Variants in KIF6 observed in about 807,000 individuals in gnomAD.
The protein encoded by KIF6 is kinesin family member 6.
In KIF6, 106 loss-of-function variants were observed where a neutral mutation model predicts 112.7. The ratio of observed to expected loss-of-function variants is 0.94; its 90% CI spans 0.80 to 1.11. KIF6 has a LOEUF of 1.11. Among genes scored for constraint, KIF6 ranks in the 50% least tolerant of loss-of-function variants. The pLI is 0.00. For missense variants in KIF6, 929 were observed against 964.0 expected (o/e 0.96, Z 0.48); for synonymous variants, 339 against 339.9 (o/e 1.00, Z 0.03).
chr6:39,512,288 T>C (rs1170911608), intron 13 of KIF6, among the ~76,000 whole-genome samples: 1 of 152,224 alleles, frequency 6.6e-6, no homozygotes, highest in Non-Finnish European at 1.5e-5. Flanking sequence ...TTATCTAATA[T>C]AAGAATTTGT....
intron 19 of KIF6, among the ~76,000 whole-genome samples, chr6:39,351,529 C>T (rs1764247612): frequency 6.6e-6 from 1 of 152,114 alleles, no homozygotes; most frequent in Non-Finnish European, 1.5e-5. Flanking sequence ...ACTGGGATTA[C>T]AGGCATGAAC....
At chr6:39,591,860 C>T (rs1482835095) in intron 7 of KIF6, among the ~76,000 whole-genome samples, 1 of 152,182 alleles carries the variant, frequency 6.6e-6, no homozygotes, top group Non-Finnish European at 1.5e-5. Context: ...CACCTGTAAT[C>T]CCAGCACTTT....
At chr6:39,703,087 C>CCCA (rs1554151206) in intron 3 of KIF6, among the ~76,000 whole-genome samples, 32 of 76,586 alleles carry the variant, frequency 4.2e-4, no homozygotes, top group Admixed American at 1.2e-3. Flanking sequence ...CCCCCACCCC[C>CCCA]ACTCCCGGCC....
At position 39,545,577 on chromosome 6, in the gene KIF6, G is replaced by A; in HGVS notation, c.1287+6C>T. The A allele has an allele frequency of 6.3e-7, 1 of 1,598,084 alleles. No individual in the cohort carries two copies. Among genetic ancestry groups the A allele is most frequent in the African/African-American group, 1.3e-5 (1 of 74,692 alleles). On this transcript the variant is annotated splice_donor_region_variant and intron_variant, in intron 11 of 22. Transcript: ENST00000287152. ...TGGCTTCTATTGGGGAAACATTTAA[G>A]TTTACCTTTAAATGATGAAAACAGT...
chr6:39,712,324 GA>G (rs970402940), intron 3 of KIF6, among the ~76,000 whole-genome samples: 30 of 146,048 alleles, frequency 2.1e-4, no homozygotes, highest in Admixed American at 3.4e-4. Flanking sequence ...CTAATTTCAG[GA>G]AAAAAAAAAG....
At chr6:39,344,027 G>C (rs1227579617) in intron 21 of KIF6, among the ~76,000 whole-genome samples, 1 of 152,116 alleles carries the variant, frequency 6.6e-6, no homozygotes, top group Non-Finnish European at 1.5e-5. Flanking sequence ...CCCTGCCATA[G>C]ACCCTGATAT....
At chr6:39,584,091 T>C (rs937381096) in intron 9 of KIF6, among the ~76,000 whole-genome samples, 6 of 151,836 alleles carry the variant, frequency 4.0e-5, no homozygotes, top group Non-Finnish European at 1.5e-5. Flanking sequence ...TGAATGGCTA[T>C]TAGGACTTTT....
At chr6:39,577,493 C>A (rs956328970) in intron 10 of KIF6, among the ~76,000 whole-genome samples, 3 of 152,244 alleles carry the variant, frequency 2.0e-5, no homozygotes, top group Admixed American at 1.3e-4. Flanking sequence ...AGAATGAGAG[C>A]CACATTGCAC....
Position 39,446,324 on chromosome 6 carries a change from T to C in KIF6, c.1646-15163A>G, listed in dbSNP as rs558382538. On this transcript the variant is annotated intron_variant, in intron 13 of 22. Transcript: ENST00000287152. ...CCTTTGTAATGATGTAATATTTCCATGATATCTCACCTCTCTGCCTCCCCT... is the reference window on the plus strand; with the variant it reads ...CCTTTGTAATGATGTAATATTTCCACGATATCTCACCTCTCTGCCTCCCCT... Among the ~76,000 whole-genome samples, 4 of 152,316 alleles carry C rather than the reference T, an allele frequency of 2.6e-5. No individual in the cohort carries two copies. The South Asian group carries it at 6.2e-4, about 24-fold the overall frequency.
chr6:39,488,920 A>C (rs1445413704), intron 13 of KIF6, among the ~76,000 whole-genome samples: 5 of 152,128 alleles, frequency 3.3e-5, no homozygotes. Context: ...TAGTTTCTAG[A>C]ATGGCAGAGT....
At chr6:39,363,986 T>G (rs1232383232) in intron 16 of KIF6, among the ~76,000 whole-genome samples, 1 of 152,208 alleles carries the variant, frequency 6.6e-6, no homozygotes. Context: ...CGCTAACTTC[T>G]TTTCACCTCT....
chr6:39,647,349 G>C (rs972364244), intron 3 of KIF6, among the ~76,000 whole-genome samples: 1 of 152,072 alleles, frequency 6.6e-6, no homozygotes, highest in African/African-American at 2.4e-5. Context: ...TATGGTAATA[G>C]GCTCCCAGTC....
At chr6:39,715,928 G>A (rs1789824535) in intron 2 of KIF6, among the ~76,000 whole-genome samples, 1 of 152,156 alleles carries the variant, frequency 6.6e-6, no homozygotes, top group Non-Finnish European at 1.5e-5. Context: ...CATAGCTGCT[G>A]AACTGCTTTT....
intron 13 of KIF6, among the ~76,000 whole-genome samples, chr6:39,537,662 A>G (rs571889234): frequency 8.5e-4 from 130 of 152,268 alleles, no homozygotes; most frequent in African/African-American, 3.0e-3. Flanking sequence ...TATAGATTCA[A>G]TGCCATCCCC....
At chr6:39,723,364 C>T (rs1348364648) in intron 1 of KIF6, among the ~76,000 whole-genome samples, 1 of 152,158 alleles carries the variant, frequency 6.6e-6, no homozygotes, top group African/African-American at 2.4e-5. Context: ...ATCCAAATTG[C>T]CCTTGCCTAA....
chr6:39,416,900 G>A (rs1186512162), intron 15 of KIF6, among the ~76,000 whole-genome samples: 10 of 152,062 alleles, frequency 6.6e-5, no homozygotes, highest in Non-Finnish European at 1.3e-4. Context: ...GTACCCCTCG[G>A]CATCTCAATC....
At position 39,534,554 on chromosome 6, in the gene KIF6, G is replaced by A. The variant is rs367699414; in HGVS notation, c.1645+5449C>T. On this transcript the variant is annotated intron_variant, in intron 13 of 22. Coordinates refer to ENST00000287152, the MANE Select transcript of KIF6 (RefSeq NM_145027.6). ...ATGATCAAAGCCTCCAAGAAATATG[G>A]GACTATGTGAAAAGACCAAACCTAC... 8.1e-3 allele frequency among the ~76,000 whole-genome samples: 1,240 copies of A among 152,268 alleles called. 6 individuals carry two copies. The highest frequency in any genetic ancestry group is 0.013 in the Non-Finnish European group (896 of 68,036).
intron 6 of KIF6, among the ~76,000 whole-genome samples, chr6:39,612,347 C>G (rs184855004): frequency 1.3e-4 from 20 of 152,204 alleles, no homozygotes; most frequent in Non-Finnish European, 1.5e-5. Context: ...CCAGTGAAAA[C>G]AGTAAGCTGT....
intron 5 of KIF6, among the ~76,000 whole-genome samples, chr6:39,623,328 C>G (rs1202999457): frequency 6.6e-6 from 1 of 152,018 alleles, no homozygotes; most frequent in African/African-American, 2.4e-5. Flanking sequence ...TTTTTTAAAG[C>G]CTCTGTGATT....
Sources: allele counts gnomAD v4.1 joint callset (sites outside exome capture counted in the v4.1 genomes callset), GRCh38; gene constraint gnomAD v4.1.1; transcripts MANE v1.5; gene names NCBI Gene and HGNC (gene_info 2026-07-23, HGNC 2026-07-21).